Variants in LRRTM3 observed in about 807,000 individuals in gnomAD.
The protein encoded by LRRTM3 is leucine rich repeat transmembrane neuronal 3, also known as leucine-rich repeat transmembrane neuronal protein 3.
Under a neutral mutation model 44.7 loss-of-function variants are expected in LRRTM3, and 24 were observed. The observed-to-expected ratio is 0.54, with a 90% CI of 0.39 to 0.76. The LOEUF is 0.76. Among genes scored for constraint, LRRTM3 ranks in the 30% least tolerant of loss-of-function variants. The pLI is 0.00. For missense variants in LRRTM3, 587 were observed against 702.2 expected (o/e 0.84, Z 1.85); for synonymous variants, 277 against 278.7 (o/e 0.99, Z 0.06).
intron 2 of LRRTM3, among the ~76,000 whole-genome samples, chr10:66,966,209 G>T (rs1042751553): frequency 6.6e-6 from 1 of 152,046 alleles, no homozygotes; most frequent in Non-Finnish European, 1.5e-5. Flanking sequence ...ATTAATAAAC[G>T]AAAACAATTT....
At chr10:66,971,504 CTT>C (rs892888838) in intron 2 of LRRTM3, among the ~76,000 whole-genome samples, 2 of 152,112 alleles carry the variant, frequency 1.3e-5, no homozygotes, top group African/African-American at 4.8e-5. Context: ...CAATTGTACT[CTT>C]TATAATTTGT....
chr10:67,066,214 A>ATTT (rs1856071258), intron 2 of LRRTM3, among the ~76,000 whole-genome samples: 1 of 30,894 alleles, frequency 3.2e-5, no homozygotes, highest in Non-Finnish European at 5.6e-5. Context: ...TTTTTTTTTG[A>ATTT]GACAGTCTTG....
At chr10:66,995,466 C>A (rs1050403219) in intron 2 of LRRTM3, among the ~76,000 whole-genome samples, 5 of 152,182 alleles carry the variant, frequency 3.3e-5, no homozygotes, top group Non-Finnish European at 5.9e-5. Context: ...TTAATCCATT[C>A]TCCAAACATT....
intron 2 of LRRTM3, among the ~76,000 whole-genome samples, chr10:67,067,881 T>C (rs1282281280): frequency 1.3e-5 from 2 of 152,358 alleles, no homozygotes; most frequent in African/African-American, 4.8e-5. Flanking sequence ...GCTGAAAGTA[T>C]GTACAGGGTC....
rs1431340320 is a variant in LRRTM3, at chr10:67,099,135, C to T, written c.*1339C>T. ...CACCTCCAAATTATCAAAGAAATAA[C>T]TCAGAGTAATTTGACACCAGCCCAG... On this transcript the variant is annotated 3_prime_UTR_variant, in exon 3 of 3. Transcript: ENST00000361320. The T allele has an allele frequency of 6.6e-6, 1 of 151,668 alleles. No homozygotes were observed. Among genetic ancestry groups the T allele is most frequent in the Non-Finnish European group, 1.5e-5 (1 of 67,794 alleles). The allele number at this position is 151,668 out of a possible 1,614,324, so 9.4% of individuals were successfully genotyped here.
intron 2 of LRRTM3, among the ~76,000 whole-genome samples, chr10:67,056,196 GC>G (rs1368659311): frequency 6.6e-6 from 1 of 152,090 alleles, no homozygotes; most frequent in Non-Finnish European, 1.5e-5. Flanking sequence ...GATTAACTGA[GC>G]TTTAATAAAA....
intron 2 of LRRTM3, among the ~76,000 whole-genome samples, chr10:66,966,666 G>T (rs1232965789): frequency 1.3e-5 from 2 of 151,994 alleles, no homozygotes; most frequent in Non-Finnish European, 2.9e-5. Context: ...ACCAAAATAA[G>T]ATGTTCTTCT....
intron 2 of LRRTM3, among the ~76,000 whole-genome samples, chr10:66,936,870 T>C (rs1847731804): frequency 6.6e-6 from 1 of 152,108 alleles, no homozygotes; most frequent in African/African-American, 2.4e-5. Context: ...TAAATAGAGA[T>C]GAAAGTCTTC....
Position 67,097,903 on chromosome 10 carries a change from T to C in LRRTM3, c.*107T>C. On this transcript the variant is annotated 3_prime_UTR_variant, in exon 3 of 3. Coordinates refer to ENST00000361320, the MANE Select transcript of LRRTM3 (RefSeq NM_178011.5). ...TCTAAAAACAAAACAAAACACAAAA[T>C]CCCCTGTTCAAATAAACAAAAAATC... The C allele has an allele frequency of 1.1e-6, 1 of 944,110 alleles. No individual in the cohort carries two copies. 58.5% of individuals were successfully genotyped at this position (944,110 alleles called of 1,614,324 possible). A position where few individuals can be genotyped will look rare whatever the true frequency, so the allele number is the denominator to read the frequency against.
At chr10:67,084,261 C>T (rs1382559661) in intron 2 of LRRTM3, among the ~76,000 whole-genome samples, 1 of 151,990 alleles carries the variant, frequency 6.6e-6, no homozygotes, top group Non-Finnish European at 1.5e-5. Flanking sequence ...CAAAAATCTA[C>T]ACCTGGAGTG....
At chr10:67,056,577 C>T (rs1364740236) in intron 2 of LRRTM3, among the ~76,000 whole-genome samples, 1 of 152,150 alleles carries the variant, frequency 6.6e-6, no homozygotes, top group Non-Finnish European at 1.5e-5. Context: ...TCAAAGGACA[C>T]TCACAAACTT....
At position 66,927,109 on chromosome 10, in the gene LRRTM3, G is replaced by C. The variant is rs1286650917; in HGVS notation, c.193G>C (p.Gly65Arg). ...CTCAAGTATATCTGCTGGTTGCTTA[G>C]GTTTGTCCCTTCGCTATAACAGCCT... ...IPSSISAGCL[G>R]LSLRYNSLQK... Residue 65 changes from glycine (G) to arginine (R), a missense_variant, in exon 2 of 3, where the codon GGT (glycine) becomes CGT (arginine). Gly to Arg is a moderately radical substitution (Grantham distance 125). This residue lies in a region of LRRTM3 where 222 missense variants were observed against 323.3 expected (regional missense o/e 0.69). Coordinates refer to ENST00000361320, the MANE Select transcript of LRRTM3 (RefSeq NM_178011.5). The surrounding 1 kb of genome is among the most constrained non-coding windows in gnomAD (Gnocchi z 4.7). The C allele has an allele frequency of 6.2e-7, 1 of 1,614,110 alleles. No individual in the cohort carries two copies. Among genetic ancestry groups the C allele is most frequent in the South Asian group, 1.1e-5 (1 of 91,080 alleles).
intron 2 of LRRTM3, among the ~76,000 whole-genome samples, chr10:66,970,665 T>A (rs560989611): frequency 1.3e-5 from 2 of 152,260 alleles, no homozygotes; most frequent in Non-Finnish European, 2.9e-5. Flanking sequence ...AAAATCTGCA[T>A]CTACATAATG....
At chr10:66,971,604 T>C (rs772200055) in intron 2 of LRRTM3, among the ~76,000 whole-genome samples, 4 of 152,154 alleles carry the variant, frequency 2.6e-5, no homozygotes, top group Non-Finnish European at 4.4e-5. Context: ...CTTTATGTAA[T>C]GCACCTAGTA....
intron 2 of LRRTM3, among the ~76,000 whole-genome samples, chr10:66,947,111 A>C (rs1244743671): frequency 6.6e-6 from 1 of 152,066 alleles, no homozygotes; most frequent in Non-Finnish European, 1.5e-5. Context: ...TCAACTTAGA[A>C]AGCCAGCCCT....
intron 2 of LRRTM3, among the ~76,000 whole-genome samples, chr10:67,020,376 C>A (rs1305683564): frequency 6.6e-6 from 1 of 152,024 alleles, no homozygotes; most frequent in Non-Finnish European, 1.5e-5. Flanking sequence ...ATAATATGTC[C>A]CTTCTGAGCT....
At chr10:66,987,159 C>T (rs996952545) in intron 2 of LRRTM3, among the ~76,000 whole-genome samples, 14 of 152,090 alleles carry the variant, frequency 9.2e-5, no homozygotes, top group African/African-American at 2.7e-4. Flanking sequence ...TTTTGAAACA[C>T]GGACACAGGG....
chr10:67,096,326 G>A (rs539766834), intron 2 of LRRTM3, among the ~76,000 whole-genome samples: 12 of 151,802 alleles, frequency 7.9e-5, no homozygotes, highest in African/African-American at 2.9e-4. Context: ...TGGCAAAGAC[G>A]GTTCTAATGC....
chr10:67,001,370 G>C (rs1851682309), intron 2 of LRRTM3, among the ~76,000 whole-genome samples: 1 of 151,004 alleles, frequency 6.6e-6, no homozygotes, highest in South Asian at 2.1e-4. Context: ...AATCTGGGCT[G>C]TGAGTTCACT....
Sources: allele counts gnomAD v4.1 joint callset (sites outside exome capture counted in the v4.1 genomes callset), GRCh38; gene constraint gnomAD v4.1.1; regional missense constraint gnomAD v4.1.1; non-coding constraint Gnocchi (gnomAD v3.1); transcripts MANE v1.5; gene names NCBI Gene and HGNC (gene_info 2026-07-23, HGNC 2026-07-21).